The following CCDC149 variants were observed in gnomAD, a reference collection of about 807,000 sequenced individuals.
CCDC149 encodes coiled-coil domain-containing protein 149.
A neutral mutation model predicts 59.9 loss-of-function variants in CCDC149; 45 were observed. That is an observed-to-expected ratio of 0.75 (90% CI 0.59 to 0.96). The LOEUF (loss-of-function observed/expected upper bound fraction) is 0.96, where lower values mean the gene tolerates loss of function less well. Among genes scored for constraint, CCDC149 ranks in the 40% least tolerant of loss-of-function variants. CCDC149 has a pLI of 0.00. For missense variants in CCDC149, 584 were observed against 664.7 expected (o/e 0.88, Z 1.33); for synonymous variants, 245 against 260.6 (o/e 0.94, Z 0.58).
intron 12 of CCDC149, among the ~76,000 whole-genome samples, chr4:24,810,265 C>T (rs868016414): frequency 6.6e-6 from 1 of 152,218 alleles, no homozygotes. Flanking sequence ...GTGTCTGACA[C>T]ATTCTAAGCA....
chr4:24,958,491 G>C (rs955992074), intron 1 of CCDC149, among the ~76,000 whole-genome samples: 3 of 152,130 alleles, frequency 2.0e-5, no homozygotes, highest in African/African-American at 2.4e-5. Flanking sequence ...ATAACATTGA[G>C]ATCCACTAAT....
At chr4:24,964,652 T>C (rs891989043) in intron 1 of CCDC149, among the ~76,000 whole-genome samples, 2 of 152,088 alleles carry the variant, frequency 1.3e-5, no homozygotes, top group Non-Finnish European at 2.9e-5. Flanking sequence ...GAAAGTGGAA[T>C]TGAAAAAATG....
intron 4 of CCDC149, among the ~76,000 whole-genome samples, chr4:24,849,969 C>T (rs1198969889): frequency 6.6e-6 from 1 of 152,228 alleles, no homozygotes; most frequent in Non-Finnish European, 1.5e-5. Flanking sequence ...CCTCTGCTCT[C>T]TCCACAGAAG....
At chr4:24,922,447 A>G (rs530593534) in intron 1 of CCDC149, among the ~76,000 whole-genome samples, 12 of 152,260 alleles carry the variant, frequency 7.9e-5, no homozygotes, top group Admixed American at 3.3e-4. Context: ...CCTCCATGCA[A>G]TCCACATCTT....
chr4:24,816,109 A>C (rs1714999999), intron 12 of CCDC149, among the ~76,000 whole-genome samples: 1 of 151,860 alleles, frequency 6.6e-6, no homozygotes, highest in Non-Finnish European at 1.5e-5. Context: ...TTTTTCTTTG[A>C]GACAGGATCT....
chr4:24,836,376 T>C, intron 7 of CCDC149, 60 bp downstream of exon 7: 2 of 1,138,268 alleles, frequency 1.8e-6, no homozygotes, highest in Non-Finnish European at 2.7e-6. Flanking sequence ...GGAATTAAAA[T>C]AGAATGACGT....
intron 12 of CCDC149, 77 bp downstream of exon 12, chr4:24,819,782 G>C (rs1715245559): frequency 3.0e-6 from 3 of 996,344 alleles, no homozygotes; most frequent in Non-Finnish European, 4.7e-6. Flanking sequence ...GGAAGGGGAA[G>C]AGACCGATGT....
At chr4:24,888,279 T>TATAG (rs1720316810) in intron 1 of CCDC149, among the ~76,000 whole-genome samples, 1 of 152,140 alleles carries the variant, frequency 6.6e-6, no homozygotes, top group African/African-American at 2.4e-5. Flanking sequence ...TACATAGATA[T>TATAG]ATAGATAGAT....
In CCDC149 at chr4:24,868,348, C is replaced by T. The variant is rs1001489179; in HGVS notation, c.264+5333G>A. Reference sequence around the variant, plus strand: ...CACCTACCCTAAAACCAATCACATGCTTAAATAAACTAACAGTAAATAAAA... The same window carrying T: ...CACCTACCCTAAAACCAATCACATGTTTAAATAAACTAACAGTAAATAAAA... On this transcript the variant is annotated intron_variant, in intron 3 of 12. Coordinates refer to ENST00000635206, the MANE Select transcript of CCDC149 (RefSeq NM_001330643.2). Among the ~76,000 whole-genome samples the T allele has an allele frequency of 1.1e-4, 17 of 152,118 alleles. 1 individual carries two copies. Among genetic ancestry groups the T allele is most frequent in the African/African-American group, 4.1e-4 (17 of 41,406 alleles).
rs573634710 is a variant in CCDC149, at chr4:24,806,405, C to T, written c.*1984G>A. Reference sequence around the variant, plus strand: ...TGACTCTGATGGAATGTGCTGGAGTCTATTACGAGCCCTGCTTTTCAGAAG... The same window carrying T: ...TGACTCTGATGGAATGTGCTGGAGTTTATTACGAGCCCTGCTTTTCAGAAG... On this transcript the variant is annotated 3_prime_UTR_variant, in exon 13 of 13. Transcript: ENST00000635206. 3.9e-5 allele frequency: 6 copies of T among 152,326 alleles called. No homozygotes were observed. The highest frequency in any genetic ancestry group is 1.9e-4 in the East Asian group (1 of 5,180). The allele number at this position is 152,326 out of a possible 1,614,324, so 9.4% of individuals were successfully genotyped here.
At position 24,919,550 on chromosome 4, in the gene CCDC149, A is replaced by G. The variant is rs371672250; in HGVS notation, c.-64-24432T>C. 2.2e-3 allele frequency among the ~76,000 whole-genome samples: 340 copies of G among 152,312 alleles called. 1 individual carries two copies. The highest frequency in any genetic ancestry group is 7.5e-3 in the African/African-American group (310 of 41,572). On this transcript the variant is annotated intron_variant, in intron 1 of 12. Transcript: ENST00000389609. ...GAAAGGAAAACCAGGTCTATTTGGA[A>G]AGCTCTGGGAGGGGCAGGATTGAAG... is the stretch of plus-strand genomic sequence containing the variant.
intron 1 of CCDC149, among the ~76,000 whole-genome samples, chr4:24,942,778 G>C (rs1172530003): frequency 6.6e-6 from 1 of 152,024 alleles, no homozygotes; most frequent in African/African-American, 2.4e-5. Context: ...GCCAAATCAT[G>C]AGTGAACTCC....
chr4:24,944,687 C>T (rs1359031117), intron 1 of CCDC149, among the ~76,000 whole-genome samples: 2 of 152,116 alleles, frequency 1.3e-5, no homozygotes, highest in Non-Finnish European at 2.9e-5. Flanking sequence ...GTACAGCAAA[C>T]CACCATGGCA....
chr4:24,876,328 CACACACACACACAG>C (rs1247469308), intron 2 of CCDC149, among the ~76,000 whole-genome samples, 194 bp downstream of exon 2: 174 of 146,380 alleles, frequency 1.2e-3, no homozygotes, highest in African/African-American at 3.8e-3. Context: ...CACACACACA[CACACACACACACAG>C]AGAGAGAGAG....
chr4:24,885,435 A>G (rs897873254), intron 1 of CCDC149, among the ~76,000 whole-genome samples: 1 of 152,184 alleles, frequency 6.6e-6, no homozygotes, highest in African/African-American at 2.4e-5. Context: ...TACAGAGAAC[A>G]CACTGGCTTT....
chr4:24,868,878 G>A, intron 3 of CCDC149, among the ~76,000 whole-genome samples: 1 of 152,148 alleles, frequency 6.6e-6, no homozygotes, highest in African/African-American at 2.4e-5. Context: ...AGTTCGTTAT[G>A]TTACTTCCTT....
intron 1 of CCDC149, among the ~76,000 whole-genome samples, chr4:24,931,763 T>C (rs891597733): frequency 6.7e-6 from 1 of 148,184 alleles, no homozygotes; most frequent in African/African-American, 2.5e-5. Context: ...CTACAAACAA[T>C]GTCTCCTGCC....
upstream of CCDC149, among the ~76,000 whole-genome samples, chr4:24,916,286 G>T (rs1249131507): frequency 6.6e-6 from 1 of 152,168 alleles, no homozygotes; most frequent in East Asian, 1.9e-4. Context: ...GCTTTTGAGT[G>T]ATGCTTTTCA....
intron 1 of CCDC149, among the ~76,000 whole-genome samples, chr4:24,888,904 C>CTCTAAGATG (rs1415735058): frequency 6.7e-6 from 1 of 150,290 alleles, no homozygotes; most frequent in Non-Finnish European, 1.5e-5. Context: ...TAATGCCATT[C>CTCTAAGATG]TCTAAGATGA....
Sources: gnomAD v4.1 joint callset for allele counts (sites outside exome capture counted in the v4.1 genomes callset) on GRCh38, gnomAD v4.1.1 for gene constraint, MANE v1.5 for transcripts, NCBI Gene and HGNC (gene_info 2026-07-23, HGNC 2026-07-21) for gene names.